The following EYS variants were observed in gnomAD, a reference collection of about 807,000 sequenced individuals.
EYS encodes the protein EGF-like photoreceptor maintenance factor, also known as protein eyes shut homolog.
Under a neutral mutation model 282.1 loss-of-function variants are expected in EYS, and 250 were observed. That is an observed-to-expected ratio of 0.89 (90% CI 0.80 to 0.98). The LOEUF is 0.98. Ranked by LOEUF, EYS falls within the 50% of genes least tolerant of loss-of-function variation. EYS has a pLI of 0.00. For missense variants in EYS, 4,016 were observed against 3,709.0 expected (o/e 1.08, Z -2.15); for synonymous variants, 1,355 against 1,282.9 (o/e 1.06, Z -1.20).
chr6:64,695,523 C>T (rs192264493), intron 22 of EYS, among the ~76,000 whole-genome samples: 29 of 152,026 alleles, frequency 1.9e-4, no homozygotes, highest in Middle Eastern at 3.4e-3. Flanking sequence ...GGAAATCATA[C>T]AGAGTATACA....
intron 5 of EYS, among the ~76,000 whole-genome samples, chr6:65,425,559 T>C (rs955885705): frequency 6.6e-6 from 1 of 152,144 alleles, no homozygotes; most frequent in Non-Finnish European, 1.5e-5. Flanking sequence ...ACTTCAATAA[T>C]ATCTATGTGT....
intron 29 of EYS, among the ~76,000 whole-genome samples, chr6:64,363,415 G>C (rs1772082938): frequency 1.3e-5 from 2 of 151,794 alleles, no homozygotes; most frequent in South Asian, 4.1e-4. Context: ...GCAGGGACTT[G>C]GTGGTGACTT....
chr6:64,278,237 G>A (rs891329938), intron 30 of EYS, among the ~76,000 whole-genome samples: 5 of 152,110 alleles, frequency 3.3e-5, no homozygotes, highest in African/African-American at 1.2e-4. Flanking sequence ...GAAAGTTTAT[G>A]TAACTGCTAA....
intron 41 of EYS, among the ~76,000 whole-genome samples, chr6:63,758,101 C>A (rs1366114607): frequency 6.6e-6 from 1 of 152,042 alleles, no homozygotes; most frequent in South Asian, 2.1e-4. Context: ...GAGGATTTTG[C>A]TATGTTGCCC....
chr6:63,755,797 C>T (rs1769464999), intron 41 of EYS, among the ~76,000 whole-genome samples: 1 of 152,160 alleles, frequency 6.6e-6, no homozygotes, highest in Non-Finnish European at 1.5e-5. Flanking sequence ...TGTGTGTCCT[C>T]TCTTATTTCC....
intron 22 of EYS, among the ~76,000 whole-genome samples, chr6:64,722,076 A>C (rs1358415293): frequency 6.6e-6 from 1 of 152,176 alleles, no homozygotes; most frequent in East Asian, 1.9e-4. Flanking sequence ...AATAAACTGT[A>C]CAGTAGAATA....
intron 2 of EYS, among the ~76,000 whole-genome samples, chr6:65,610,577 A>AG (rs1382825501): frequency 2.6e-5 from 4 of 152,088 alleles, no homozygotes; most frequent in Non-Finnish European, 5.9e-5. Flanking sequence ...GGAACATCCT[A>AG]TATATAAAGC....
At chr6:64,817,923 G>A (rs972115307) in intron 21 of EYS, among the ~76,000 whole-genome samples, 2 of 151,926 alleles carry the variant, frequency 1.3e-5, no homozygotes, top group Middle Eastern at 3.2e-3. Context: ...TTTATTTAGA[G>A]AACTTACATG....
chr6:64,064,306 T>G (rs559729098), intron 33 of EYS, among the ~76,000 whole-genome samples: 15 of 152,260 alleles, frequency 9.9e-5, no homozygotes, highest in Non-Finnish European at 2.2e-4. Flanking sequence ...AAACATTTGT[T>G]AAATGAATAT....
At chr6:64,407,142 T>C (rs1773742992) in intron 28 of EYS, among the ~76,000 whole-genome samples, 1 of 152,188 alleles carries the variant, frequency 6.6e-6, no homozygotes, top group Non-Finnish European at 1.5e-5. Context: ...GTTCATGTCC[T>C]TTGCAGGGAC....
intron 22 of EYS, among the ~76,000 whole-genome samples, chr6:64,647,025 AT>A (rs1004073471): frequency 1.8e-4 from 28 of 152,020 alleles, no homozygotes; most frequent in East Asian, 3.9e-4. Flanking sequence ...GGTAAAGTTG[AT>A]TTTTTTCTAA....
At chr6:63,832,076 G>A (rs1321151024) in intron 36 of EYS, among the ~76,000 whole-genome samples, 1 of 152,106 alleles carries the variant, frequency 6.6e-6, no homozygotes, top group Admixed American at 6.5e-5. Flanking sequence ...AGTGTGTAGA[G>A]GGAAACTTAT....
intron 29 of EYS, among the ~76,000 whole-genome samples, chr6:64,358,869 G>T (rs909082644): frequency 6.6e-6 from 1 of 151,666 alleles, no homozygotes; most frequent in Non-Finnish European, 1.5e-5. Flanking sequence ...AAGTTGCTAC[G>T]ATCAGTGGCC....
In EYS at chr6:63,984,535, A is replaced by C. The variant is rs1019438121; in HGVS notation, c.6903T>G (p.Pro2301=). The change falls in exon 35 of 43, where the codon CCT becomes CCG. Residue 2301 remains proline (P), a synonymous_variant. Transcript: ENST00000503581. ...GAATGCAGCCCCTGAACCCATAAAC[A>C]GGACCTGCTTTCTTATGAATTTGAA... ...ANVQIHKKAG[P]VYGFRGCILD... is the part of the protein sequence containing the mutation. The C allele has an allele frequency of 6.5e-7, 1 of 1,549,674 alleles. No individual in the cohort carries two copies. The highest frequency in any genetic ancestry group is 1.4e-5 in the African/African-American group (1 of 72,850).
At chr6:65,314,593 TG>T (rs2150300815) in intron 11 of EYS, among the ~76,000 whole-genome samples, 1 of 148,404 alleles carries the variant, frequency 6.7e-6, no homozygotes, top group Admixed American at 6.9e-5. Flanking sequence ...TGTGTGTGTG[TG>T]TGTGTGTGTG....
intron 22 of EYS, among the ~76,000 whole-genome samples, chr6:64,665,181 A>T (rs1182949910): frequency 6.6e-6 from 1 of 152,236 alleles, no homozygotes; most frequent in Non-Finnish European, 1.5e-5. Context: ...GCATTTATAA[A>T]ATACTGCATG....
intron 28 of EYS, among the ~76,000 whole-genome samples, chr6:64,391,498 AC>A (rs1443527835): frequency 6.6e-6 from 1 of 151,848 alleles, no homozygotes; most frequent in Non-Finnish European, 1.5e-5. Context: ...AGAATTTTCA[AC>A]CCAGAATTTC....
chr6:65,343,010 C>A (rs1278716498), intron 10 of EYS, among the ~76,000 whole-genome samples: 2 of 150,900 alleles, frequency 1.3e-5, no homozygotes, highest in African/African-American at 4.8e-5. Flanking sequence ...ATGTAATCAT[C>A]TATGTGTATA....
chr6:65,386,236 A>T (rs1377677001), intron 7 of EYS, among the ~76,000 whole-genome samples: 1 of 151,298 alleles, frequency 6.6e-6, no homozygotes, highest in African/African-American at 2.4e-5. Flanking sequence ...TAGGTAAGAG[A>T]CCCCCCAAAT....
Sources: gnomAD v4.1 joint callset for allele counts (sites outside exome capture counted in the v4.1 genomes callset) on GRCh38, gnomAD v4.1.1 for gene constraint, MANE v1.5 for transcripts, NCBI Gene and HGNC (gene_info 2026-07-23, HGNC 2026-07-21) for gene names.